Variants in JAK2 observed in about 807,000 individuals in gnomAD.
The protein encoded by JAK2 is Janus kinase 2, also known as tyrosine-protein kinase JAK2.
Under a neutral mutation model 139.3 loss-of-function variants are expected in JAK2, and 86 were observed. The observed-to-expected ratio is 0.62, with a 90% confidence interval of 0.52 to 0.74. The LOEUF (loss-of-function observed/expected upper bound fraction) is 0.74. Ranked by LOEUF, JAK2 falls within the 30% of genes least tolerant of loss-of-function variation. The pLI, the probability that JAK2 is intolerant of heterozygous loss-of-function variation, is 0.00. For synonymous variants in JAK2, 490 were observed against 437.7 expected (o/e 1.12, Z -1.49); for missense variants, 1,421 against 1,360.3 (o/e 1.04, Z -0.70).
At chr9:5,014,164 C>CTT (rs200845162) in intron 2 of JAK2, among the ~76,000 whole-genome samples, 23 of 117,524 alleles carry the variant, frequency 2.0e-4, no homozygotes, top group African/African-American at 3.7e-4. Flanking sequence ...TTTACTCTTT[C>CTT]TTTTTTTTTT....
intron 23 of JAK2, among the ~76,000 whole-genome samples, chr9:5,124,313 G>C (rs947736190): frequency 1.3e-5 from 2 of 151,206 alleles, no homozygotes; most frequent in Non-Finnish European, 3.0e-5. Context: ...GTTTTCTCTA[G>C]GTTTTTTTTC....
At chr9:5,106,206 A>T in intron 22 of JAK2, among the ~76,000 whole-genome samples, 1 of 152,200 alleles carries the variant, frequency 6.6e-6, no homozygotes, top group Non-Finnish European at 1.5e-5. Flanking sequence ...AATTTACAAG[A>T]AAAAAACAAC....
chr9:5,033,699 T>C (rs1015504031), intron 4 of JAK2, among the ~76,000 whole-genome samples: 13 of 152,146 alleles, frequency 8.5e-5, no homozygotes, highest in South Asian at 2.1e-4. Context: ...CTGAGAGATT[T>C]TGTCACCACC....
In JAK2 at chr9:5,044,505, T is replaced by G; in HGVS notation, c.453T>G (p.Ser151=). 6.3e-7 allele frequency: 1 copy of G among 1,592,548 alleles called. No individual in the cohort carries two copies. Among genetic ancestry groups the G allele is most frequent in the East Asian group, 2.2e-5 (1 of 44,712 alleles). Residue 151 remains serine (S), a synonymous_variant, in exon 5 of 25, where the codon TCT becomes TCG. Coordinates refer to ENST00000381652, the MANE Select transcript of JAK2 (RefSeq NM_004972.4). Reference sequence around the variant, plus strand: ...CTCTTCTTGATGACTTTGTCATGTCTTACCTCTTTGCTCAGGTATGATTAT... The same window carrying G: ...CTCTTCTTGATGACTTTGTCATGTCGTACCTCTTTGCTCAGGTATGATTAT... ...EAPLLDDFVM[S]YLFAQWRHDF... is the part of the protein sequence containing the mutation.
rs758475474 is a variant in JAK2 at position 5,077,528 on chromosome 9, T to C, written c.1940T>C (p.Ile647Thr). The change falls in exon 15 of 25, where the codon ATA becomes ACA. Residue 647 changes from isoleucine to threonine, a missense_variant. By Grantham distance (89) the Ile-to-Thr change is moderately conservative. Transcript: ENST00000381652. Reference protein sequence around the residue: ...YLKKNKNCINILWKLEVAKQL... With the variant: ...YLKKNKNCINTLWKLEVAKQL... Reference sequence around the variant, plus strand: ...AAAAAGAATAAAAATTGTATAAATATATTATGGAAACTTGAAGTTGCTAAA... The same window carrying C: ...AAAAAGAATAAAAATTGTATAAATACATTATGGAAACTTGAAGTTGCTAAA... 2.0e-6 allele frequency: 3 copies of C among 1,482,642 alleles called. No homozygotes were observed. Among genetic ancestry groups the C allele is most frequent in the African/African-American group, 1.5e-5 (1 of 68,704 alleles). The allele number at this position is 1,482,642 out of a possible 1,614,324, so 91.8% of individuals were successfully genotyped here. A position where few individuals can be genotyped will look rare whatever the true frequency, so the allele number is the denominator to read the frequency against.
At chr9:5,050,927 G>A in intron 6 of JAK2, 96 bp downstream of exon 6, 1 of 999,856 alleles carries the variant, frequency 1.0e-6, no homozygotes, top group Non-Finnish European at 1.5e-6. Flanking sequence ...TTTTGATTTT[G>A]TAATACTAGT....
chr9:5,059,583 G>C (rs1028675219), intron 8 of JAK2, among the ~76,000 whole-genome samples: 1 of 152,070 alleles, frequency 6.6e-6, no homozygotes, highest in Non-Finnish European at 1.5e-5. Context: ...ATATCCTAGA[G>C]ATAGGATTAT....
In JAK2 at chr9:5,077,578, CTAGTAAGTAG is replaced by C; in HGVS notation, c.1992+1_1992+10del. 1 of 1,475,954 alleles carries C rather than the reference CTAGTAAGTAG, an allele frequency of 6.8e-7. No homozygotes were observed. Among genetic ancestry groups the C allele is most frequent in the Non-Finnish European group, 9.0e-7 (1 of 1,113,446 alleles). 91.4% of individuals were successfully genotyped at this position (1,475,954 alleles called of 1,614,324 possible). ...ACAGTTGGCATGGGCCATGCATTTT[CTAGTAAGTAG>C]TACAACCTTTTTATCAAAAGATACT... On this transcript the variant is annotated splice_donor_variant and splice_donor_5th_base_variant and coding_sequence_variant and intron_variant, in exon 15 of 25. Coordinates refer to ENST00000381652, the MANE Select transcript of JAK2 (RefSeq NM_004972.4). LOFTEE classifies it high-confidence loss of function.
intron 19 of JAK2, chr9:5,085,334 C>G (rs1357086416): frequency 1.2e-6 from 1 of 861,682 alleles, no homozygotes; most frequent in East Asian, 2.6e-5. Flanking sequence ...AGCTGAAAAG[C>G]TATTCCTACA....
chr9:5,110,785 C>CG, intron 22 of JAK2: 2 of 402,670 alleles, frequency 5.0e-6, no homozygotes, highest in South Asian at 4.0e-5. Flanking sequence ...GGTAAGGGCC[C>CG]GGGCCACGCG....
intron 19 of JAK2, among the ~76,000 whole-genome samples, chr9:5,087,178 G>A (rs188419812): frequency 1.3e-5 from 2 of 152,178 alleles, no homozygotes; most frequent in African/African-American, 2.4e-5. Flanking sequence ...AATTTATAAA[G>A]GAAAGAGGTT....
rs1380733233 is a variant in JAK2 at position 5,128,150 on chromosome 9, G to A, written c.*1359G>A. ...TTATACAAAACTTAAAATACTTGCT[G>A]TTTTGATTAAAAAGAAAATAGTTTC... is the stretch of plus-strand genomic sequence containing the variant. On this transcript the variant is annotated 3_prime_UTR_variant, in exon 25 of 25. Transcript: ENST00000381652. 4.3e-6 allele frequency: 1 copy of A among 230,880 alleles called. No homozygotes were observed. 14.3% of individuals were successfully genotyped at this position (230,880 alleles called of 1,614,324 possible). A position where few individuals can be genotyped will look rare whatever the true frequency, so the allele number is the denominator to read the frequency against.
intron 8 of JAK2, 80 bp downstream of exon 8, chr9:5,055,868 T>G: frequency 7.8e-7 from 1 of 1,285,168 alleles, no homozygotes; most frequent in Non-Finnish European, 1.1e-6. Context: ...AGTACCAAAA[T>G]TATTTTCTGG....
chr9:5,123,275 T>G (rs1253918771), intron 23 of JAK2, among the ~76,000 whole-genome samples, 154 bp downstream of exon 23: 1 of 151,990 alleles, frequency 6.6e-6, no homozygotes, highest in Non-Finnish European at 1.5e-5. Flanking sequence ...ACATACATTG[T>G]ATCCCTTAAA....
intron 22 of JAK2, among the ~76,000 whole-genome samples, chr9:5,117,317 G>A (rs1055126693): frequency 3.3e-5 from 5 of 152,212 alleles, no homozygotes; most frequent in Non-Finnish European, 7.3e-5. Context: ...TAGACAGTGC[G>A]TAAGGTGGGA....
chr9:5,109,515 C>T (rs1056650342), intron 22 of JAK2: 1 of 152,168 alleles, frequency 6.6e-6, no homozygotes, highest in African/African-American at 2.4e-5. Flanking sequence ...TTTTCCACTA[C>T]TATAATAGCC....
chr9:5,098,002 C>G (rs189644917), intron 22 of JAK2: 1 of 152,180 alleles, frequency 6.6e-6, no homozygotes, highest in African/African-American at 2.4e-5. Flanking sequence ...ATGCATACAC[C>G]GCATGAAATA....
chr9:5,039,829 CTAAA>C (rs1816351943), intron 4 of JAK2, among the ~76,000 whole-genome samples: 1 of 151,898 alleles, frequency 6.6e-6, no homozygotes, highest in South Asian at 2.1e-4. Context: ...AAGGAAACAC[CTAAA>C]TAAATGGAAA....
At chr9:5,056,087 T>C (rs909731133) in intron 8 of JAK2, among the ~76,000 whole-genome samples, 1 of 152,032 alleles carries the variant, frequency 6.6e-6, no homozygotes, top group Non-Finnish European at 1.5e-5. Flanking sequence ...AGTTCTCTGA[T>C]GTAATGCTCA....
Sources: gnomAD v4.1 joint callset for allele counts (sites outside exome capture counted in the v4.1 genomes callset) on GRCh38, gnomAD v4.1.1 for gene constraint, MANE v1.5 for transcripts, NCBI Gene and HGNC (gene_info 2026-07-23, HGNC 2026-07-21) for gene names.